The following COL11A1 variants were observed in gnomAD, a reference collection of about 807,000 sequenced individuals.
COL11A1 encodes the protein collagen type XI alpha 1 chain.
A neutral mutation model predicts 265.2 loss-of-function variants in COL11A1; 74 were observed. The ratio of observed to expected loss-of-function variants is 0.28; its 90% confidence interval spans 0.23 to 0.34. COL11A1 has a LOEUF of 0.34. Ranked by LOEUF, COL11A1 falls within the 10% of genes least tolerant of loss-of-function variation. COL11A1 has a pLI of 1.00. For missense variants in COL11A1, 2,165 were observed against 2,263.6 expected (o/e 0.96, Z 0.88); for synonymous variants, 816 against 727.6 (o/e 1.12, Z -1.96).
At chr1:102,942,595 A>T (rs1370647083) in intron 42 of COL11A1, among the ~76,000 whole-genome samples, 1 of 152,154 alleles carries the variant, frequency 6.6e-6, no homozygotes, top group African/African-American at 2.4e-5. Flanking sequence ...TTAAAAAATG[A>T]TAGAATTAGC....
intron 49 of COL11A1, among the ~76,000 whole-genome samples, chr1:102,917,534 A>C (rs1479686640): frequency 3.3e-5 from 5 of 151,934 alleles, no homozygotes; most frequent in Non-Finnish European, 5.9e-5. Context: ...AAAAGAAATA[A>C]CCAAAATGTT....
chr1:103,021,361 A>G (rs1174538597), intron 9 of COL11A1, among the ~76,000 whole-genome samples: 1 of 152,112 alleles, frequency 6.6e-6, no homozygotes, highest in East Asian at 1.9e-4. Flanking sequence ...GGAAAGTAGG[A>G]AAGCTAAAAG....
chr1:103,002,298 G>T, intron 23 of COL11A1, 130 bp downstream of exon 23: 1 of 895,798 alleles, frequency 1.1e-6, no homozygotes, highest in Non-Finnish European at 1.8e-6. Flanking sequence ...AGAAAAGTAT[G>T]TATTTTCCTA....
At chr1:102,940,229 C>T in intron 43 of COL11A1, 98 bp downstream of exon 43, 1 of 983,188 alleles carries the variant, frequency 1.0e-6, no homozygotes, top group Non-Finnish European at 1.6e-6. Flanking sequence ...GGTAACCTTT[C>T]ACCTGGCGCC....
intron 52 of COL11A1, 126 bp from the exon 53 acceptor site, chr1:102,913,816 T>C (rs1016089505): frequency 5.6e-6 from 5 of 887,200 alleles, no homozygotes; most frequent in Non-Finnish European, 9.2e-6. Flanking sequence ...GTAAAATCAT[T>C]ATATTCTTTT....
intron 10 of COL11A1, 39 bp downstream of exon 10, chr1:103,018,779 C>T: frequency 6.5e-7 from 1 of 1,530,468 alleles, no homozygotes; most frequent in Non-Finnish European, 9.0e-7. Context: ...TATATGATTA[C>T]TTTAAATAGA....
At chr1:103,101,092 T>C (rs72987884) in intron 1 of COL11A1, among the ~76,000 whole-genome samples, 8,430 of 151,862 alleles carry the variant, frequency 0.056, 810 homozygotes, top group African/African-American at 0.19. Flanking sequence ...GAGAATGAGA[T>C]AGACATTCCA....
At chr1:102,898,090 C>G in intron 57 of COL11A1, 35 bp downstream of exon 57, 2 of 1,452,292 alleles carry the variant, frequency 1.4e-6, no homozygotes. Context: ...TTTAGAAATT[C>G]TCACTTTTTA....
At chr1:102,964,188 A>G (rs1223577421) in intron 38 of COL11A1, among the ~76,000 whole-genome samples, 1 of 152,218 alleles carries the variant, frequency 6.6e-6, no homozygotes, top group Non-Finnish European at 1.5e-5. Flanking sequence ...TAAAATATTT[A>G]GTTACATTCC....
At chr1:102,928,592 T>A (rs1274586475) in intron 46 of COL11A1, among the ~76,000 whole-genome samples, 1 of 152,186 alleles carries the variant, frequency 6.6e-6, no homozygotes, top group Non-Finnish European at 1.5e-5. Context: ...TGATTTCTAA[T>A]CCTTTGCATA....
chr1:103,086,649 T>C (rs1571249497), intron 1 of COL11A1, among the ~76,000 whole-genome samples: 2 of 152,022 alleles, frequency 1.3e-5, no homozygotes, highest in South Asian at 2.1e-4. Context: ...ATCTCCTGAC[T>C]TCCTGATCCG....
chr1:103,065,186 G>GT, intron 4 of COL11A1, among the ~76,000 whole-genome samples: 1 of 151,866 alleles, frequency 6.6e-6, no homozygotes, highest in Non-Finnish European at 1.5e-5. Context: ...GCTCAACTTT[G>GT]GAACCTACAC....
In COL11A1 at chr1:102,936,673, T is replaced by A. The variant is rs1338572781; in HGVS notation, c.3439-1560A>T. On this transcript the variant is annotated intron_variant, in intron 44 of 66. Coordinates refer to ENST00000370096, the MANE Select transcript of COL11A1 (RefSeq NM_001854.4). The stretch of plus-strand genomic sequence containing the variant: ...CACTTTGAGGACCTTACCCAGGAAA[T>A]CAATAATTTCCAAATTATCAATGAA... Among the ~76,000 whole-genome samples the A allele has an allele frequency of 3.0e-4, 45 of 152,114 alleles. 1 individual carries two copies. The highest frequency in any genetic ancestry group is 2.9e-3 in the Admixed American group (45 of 15,268).
chr1:103,108,099 A>C lies in COL11A1; in HGVS notation c.80T>G (p.Leu27Arg). ...TCCTCTGACCTCTCTAGCTTGGAAGAGGAAGGTCAATGCGAGGGTTGTTAC... is the reference window on the plus strand; with the variant it reads ...TCCTCTGACCTCTCTAGCTTGGAAGCGGAAGGTCAATGCGAGGGTTGTTAC... ...FTVTTLALTF[L>R]FQAREVRGAA... Residue 27 changes from leucine (L) to arginine (R), a missense_variant, in exon 1 of 67, where the codon CTC (leucine) becomes CGC (arginine). By Grantham distance (102) the Leu-to-Arg change is moderately radical (BLOSUM62 -2). Coordinates refer to ENST00000370096, the MANE Select transcript of COL11A1 (RefSeq NM_001854.4). 1 of 1,613,726 alleles carries C rather than the reference A, an allele frequency of 6.2e-7. No individual in the cohort carries two copies. The highest frequency in any genetic ancestry group is 8.5e-7 in the Non-Finnish European group (1 of 1,179,966).
chr1:102,910,313 A>G (rs1654498103), intron 54 of COL11A1, among the ~76,000 whole-genome samples: 1 of 152,112 alleles, frequency 6.6e-6, no homozygotes, highest in Non-Finnish European at 1.5e-5. Context: ...CTCTGTTACC[A>G]TGTTAAGATA....
intron 54 of COL11A1, among the ~76,000 whole-genome samples, chr1:102,904,497 G>C (rs1382217812): frequency 1.2e-4 from 18 of 146,040 alleles, no homozygotes; most frequent in African/African-American, 3.7e-4. Flanking sequence ...CTAATATCCA[G>C]AATCTACAAT....
chr1:102,964,733 C>T (rs1475110697), intron 38 of COL11A1, among the ~76,000 whole-genome samples: 2 of 151,974 alleles, frequency 1.3e-5, no homozygotes, highest in East Asian at 1.9e-4. Flanking sequence ...AATTAAAATA[C>T]GTATTCACCT....
intron 41 of COL11A1, among the ~76,000 whole-genome samples, chr1:102,947,756 T>C (rs570129437): frequency 6.6e-6 from 1 of 151,912 alleles, no homozygotes; most frequent in South Asian, 2.1e-4. Flanking sequence ...GAAAACATTA[T>C]TAAAACAAGA....
At position 103,019,187 on chromosome 1, in the gene COL11A1, C is replaced by T. The variant is rs368661057; in HGVS notation, c.1309-328G>A. ...CCAAGGTTTTTTATTTTTTGTTTTT[C>T]GTTTGTTTGTAGCCCACAGAATAAT... On this transcript the variant is annotated intron_variant, in intron 9 of 66. Transcript: ENST00000370096. Among the ~76,000 whole-genome samples the T allele has an allele frequency of 3.3e-5, 5 of 151,842 alleles. No homozygotes were observed. In the East Asian group the frequency reaches 7.7e-4, roughly 23 times the overall value.
Sources: allele counts gnomAD v4.1 joint callset (sites outside exome capture counted in the v4.1 genomes callset), GRCh38; gene constraint gnomAD v4.1.1; transcripts MANE v1.5; gene names NCBI Gene and HGNC (gene_info 2026-07-23, HGNC 2026-07-21).